ADCY1: variants seen among roughly 807,000 people sequenced by gnomAD.
ADCY1 encodes adenylate cyclase type 1.
ADCY1 carries 28 observed loss-of-function variants against 105.4 expected under a neutral mutation model. That is an observed-to-expected ratio of 0.27 (90% CI 0.20 to 0.36). The LOEUF (loss-of-function observed/expected upper bound fraction) is 0.36, where lower values mean the gene tolerates loss of function less well. Ranked by LOEUF, ADCY1 falls within the 10% of genes least tolerant of loss-of-function variation. ADCY1 has a pLI of 1.00. For missense variants in ADCY1, 977 were observed against 1,434.2 expected (o/e 0.68, Z 5.15); for synonymous variants, 655 against 623.8 (o/e 1.05, Z -0.75).
At chr7:45,702,251 G>C (rs927831882) in intron 14 of ADCY1, among the ~76,000 whole-genome samples, 7 of 152,210 alleles carry the variant, frequency 4.6e-5, no homozygotes, top group African/African-American at 1.4e-4. Flanking sequence ...GGGGCATGCT[G>C]TCCCCTCAGC....
intron 3 of ADCY1, among the ~76,000 whole-genome samples, chr7:45,622,075 C>G (rs545510100): frequency 3.9e-5 from 6 of 152,288 alleles, no homozygotes; most frequent in African/African-American, 1.4e-4. Flanking sequence ...GGCTTTGATG[C>G]AAGACAGTGT....
In ADCY1 at chr7:45,710,101, C is replaced by T. The variant is rs749227250; in HGVS notation, c.2933-427C>T. On this transcript the variant is annotated intron_variant, in intron 18 of 19. Coordinates refer to ENST00000297323, the MANE Select transcript of ADCY1 (RefSeq NM_021116.4). This position sits in a 1 kb window ranked among gnomAD's most constrained non-coding sequence, Gnocchi z 4.7. ...TAAGGTCACATTCTGAGAAAAGGTC[C>T]GGAGCTGCTATTTTTCTGGAAGAGA... is the stretch of plus-strand genomic sequence containing the variant. Among the ~76,000 whole-genome samples the T allele has an allele frequency of 2.6e-5, 4 of 152,196 alleles. No homozygotes were observed. Among genetic ancestry groups the T allele is most frequent in the East Asian group, 1.9e-4 (1 of 5,204 alleles).
chr7:45,703,897 G>A lies in ADCY1; in HGVS notation c.2718+151G>A. The A allele has an allele frequency of 2.5e-6, 3 of 1,188,356 alleles. No homozygotes were observed. The South Asian group carries it at 4.8e-5, about 19-fold the overall frequency. 73.6% of individuals were successfully genotyped at this position (1,188,356 alleles called of 1,614,324 possible). A position where few individuals can be genotyped will look rare whatever the true frequency, so the allele number is the denominator to read the frequency against. ...AAGCACAGGCATTCTGTCTCCTTTGGGATCCAGACCAACCATGACAGGAGA... is the reference window on the plus strand; with the variant it reads ...AAGCACAGGCATTCTGTCTCCTTTGAGATCCAGACCAACCATGACAGGAGA... On this transcript the variant is annotated intron_variant, in intron 16 of 19. Transcript: ENST00000297323. This position sits in a 1 kb window ranked among gnomAD's most constrained non-coding sequence, Gnocchi z 5.9.
intron 3 of ADCY1, among the ~76,000 whole-genome samples, 157 bp from the exon 4 acceptor site, chr7:45,622,475 G>A (rs533521383): frequency 6.6e-6 from 1 of 152,172 alleles, no homozygotes; most frequent in East Asian, 1.9e-4. Context: ...TCACCTGTAT[G>A]ATGGGAACCA....
At chr7:45,620,760 G>A (rs1280930674) in intron 3 of ADCY1, among the ~76,000 whole-genome samples, 1 of 152,166 alleles carries the variant, frequency 6.6e-6, no homozygotes, top group Non-Finnish European at 1.5e-5. Flanking sequence ...AAACCAGGGA[G>A]GCCAGAAGGC....
At chr7:45,662,453 G>A (rs1309646017) in intron 8 of ADCY1, among the ~76,000 whole-genome samples, 1 of 152,152 alleles carries the variant, frequency 6.6e-6, no homozygotes, top group Non-Finnish European at 1.5e-5. Context: ...ATTTATTCCT[G>A]TTTATCCATA....
chr7:45,595,460 C>T (rs1034724912), intron 2 of ADCY1, among the ~76,000 whole-genome samples: 1 of 152,184 alleles, frequency 6.6e-6, no homozygotes, highest in Non-Finnish European at 1.5e-5. Flanking sequence ...CCTCCTGTTT[C>T]CCCTGCCCCT....
rs1311538656 is a variant in ADCY1, at chr7:45,714,029, G to A, written c.*34G>A. 1.3e-6 allele frequency: 1 copy of A among 745,832 alleles called. No individual in the cohort carries two copies. Among genetic ancestry groups the A allele is most frequent in the Non-Finnish European group, 2.5e-6 (1 of 399,296 alleles). 46.2% of individuals were successfully genotyped at this position (745,832 alleles called of 1,614,324 possible). On this transcript the variant is annotated 3_prime_UTR_variant, in exon 20 of 20. Transcript: ENST00000297323. ...ACGTGGGCCTCTGGGGTGCACATGGGGTGGGAATGCTCCGGGGGTGACACA... is the reference window on the plus strand; with the variant it reads ...ACGTGGGCCTCTGGGGTGCACATGGAGTGGGAATGCTCCGGGGGTGACACA...
At chr7:45,636,844 TTG>T (rs1273040327) in intron 4 of ADCY1, among the ~76,000 whole-genome samples, 1 of 152,216 alleles carries the variant, frequency 6.6e-6, no homozygotes, top group Non-Finnish European at 1.5e-5. Context: ...CCCAGCCTGT[TTG>T]TGTCTCTTTA....
intron 11 of ADCY1, among the ~76,000 whole-genome samples, chr7:45,684,022 G>A (rs894146526): frequency 6.6e-6 from 1 of 152,248 alleles, no homozygotes; most frequent in Non-Finnish European, 1.5e-5. Flanking sequence ...CCTGCGTCTT[G>A]CCCAGAGGCC....
At chr7:45,699,105 G>A (rs1437153409) in intron 14 of ADCY1, among the ~76,000 whole-genome samples, 1 of 152,210 alleles carries the variant, frequency 6.6e-6, no homozygotes, top group Non-Finnish European at 1.5e-5. Flanking sequence ...TGCCCTGCCT[G>A]GGAGAAGCCT....
At chr7:45,597,148 G>C (rs534556153) in intron 2 of ADCY1, among the ~76,000 whole-genome samples, 3 of 152,274 alleles carry the variant, frequency 2.0e-5, no homozygotes, top group East Asian at 1.9e-4. Context: ...GGGTACTGCT[G>C]TTCTGAAATG....
intron 1 of ADCY1, among the ~76,000 whole-genome samples, chr7:45,578,824 A>G (rs1792430285): frequency 6.6e-6 from 1 of 152,258 alleles, no homozygotes; most frequent in Admixed American, 6.5e-5. Context: ...TACTCTGCAC[A>G]GCCTTGAAAT....
chr7:45,680,445 A>G (rs1784534381), intron 11 of ADCY1: 1 of 152,220 alleles, frequency 6.6e-6, no homozygotes, highest in African/African-American at 2.4e-5. Flanking sequence ...CCTTCATCAC[A>G]TTCTCCACCT....
At chr7:45,642,018 C>A (rs184166978) in intron 4 of ADCY1, among the ~76,000 whole-genome samples, 4 of 150,612 alleles carry the variant, frequency 2.7e-5, no homozygotes, top group Admixed American at 6.6e-5. Flanking sequence ...GATTGTCTTG[C>A]GAGATTTTAA....
intron 8 of ADCY1, among the ~76,000 whole-genome samples, chr7:45,666,655 G>T (rs1252321140): frequency 6.6e-6 from 1 of 152,190 alleles, no homozygotes; most frequent in African/African-American, 2.4e-5. Context: ...TAATGGGATG[G>T]CTGGGTCAAA....
intron 1 of ADCY1, among the ~76,000 whole-genome samples, chr7:45,586,576 A>G (rs1230521083): frequency 2.6e-5 from 4 of 152,176 alleles, no homozygotes; most frequent in Admixed American, 2.6e-4. Context: ...TAATTCAAAC[A>G]CCAGAAGCTA....
intron 3 of ADCY1, among the ~76,000 whole-genome samples, chr7:45,610,934 AGGTGAGGAGGTGATAG>A (rs1562687474): frequency 7.0e-6 from 1 of 143,562 alleles, no homozygotes; most frequent in African/African-American, 2.7e-5. Flanking sequence ...GTGATTTTGG[AGGTGAGGAGGTGATAG>A]TGGAGGTGTA....
intron 5 of ADCY1, among the ~76,000 whole-genome samples, chr7:45,649,158 T>G (rs1794747235): frequency 1.3e-5 from 2 of 152,162 alleles, no homozygotes; most frequent in Admixed American, 1.3e-4. Context: ...AATTCTCTAT[T>G]AAAAGGAAGT....
Sources: allele counts gnomAD v4.1 joint callset (sites outside exome capture counted in the v4.1 genomes callset), GRCh38; gene constraint gnomAD v4.1.1; non-coding constraint Gnocchi (gnomAD v3.1); transcripts MANE v1.5; gene names NCBI Gene and HGNC (gene_info 2026-07-23, HGNC 2026-07-21).